Variants in PLCB4 observed in about 807,000 individuals in gnomAD.
The protein encoded by PLCB4 is 1-phosphatidylinositol 4,5-bisphosphate phosphodiesterase beta-4.
PLCB4 carries 77 observed loss-of-function variants against 178.8 expected under a neutral mutation model. The ratio of observed to expected loss-of-function variants is 0.43; its 90% confidence interval spans 0.36 to 0.52. PLCB4 has a LOEUF of 0.52. Among genes scored for constraint, PLCB4 ranks in the 20% least tolerant of loss-of-function variants. The pLI, the probability that PLCB4 is intolerant of heterozygous loss-of-function variation, is 0.00. For synonymous variants in PLCB4, 496 were observed against 490.8 expected (o/e 1.01, Z -0.14); for missense variants, 1,024 against 1,453.4 (o/e 0.70, Z 4.80).
chr20:9,200,359 A>G (rs1034062817), intron 2 of PLCB4, among the ~76,000 whole-genome samples: 3 of 152,122 alleles, frequency 2.0e-5, no homozygotes, highest in Non-Finnish European at 4.4e-5. Context: ...GCATTTCCCA[A>G]TGTTAACTGT....
Position 9,105,828 on chromosome 20 carries a change from T to C in PLCB4, c.-79+9486T>C, listed in dbSNP as rs6118495. On this transcript the variant is annotated intron_variant, in intron 2 of 39. Coordinates refer to ENST00000378473, the MANE Select transcript of PLCB4 (RefSeq NM_001377142.1). Reference sequence around the variant, plus strand: ...ATTCTAGGGATCAAAATTATACATATAACAAGATAAACTGTAAATTTATGA... The same window carrying C: ...ATTCTAGGGATCAAAATTATACATACAACAAGATAAACTGTAAATTTATGA... Among the ~76,000 whole-genome samples the C allele has an allele frequency of 7.5e-3, 1,141 of 152,148 alleles. 17 individuals carry two copies. The highest frequency in any genetic ancestry group is 0.026 in the African/African-American group (1,087 of 41,532).
chr20:9,073,589 A>G (rs1447059021), intron 1 of PLCB4, among the ~76,000 whole-genome samples: 4 of 152,138 alleles, frequency 2.6e-5, no homozygotes, highest in Non-Finnish European at 5.9e-5. Context: ...ATATATTTAA[A>G]CATATTATGC....
intron 1 of PLCB4, among the ~76,000 whole-genome samples, chr20:9,070,317 C>A (rs191613720): frequency 6.6e-6 from 1 of 151,978 alleles, no homozygotes; most frequent in Admixed American, 6.6e-5. Flanking sequence ...GTGTGTGTTG[C>A]GGGGGAAGGT....
chr20:9,428,247 T>C (rs1400655714), intron 28 of PLCB4, among the ~76,000 whole-genome samples: 1 of 152,216 alleles, frequency 6.6e-6, no homozygotes, highest in East Asian at 1.9e-4. Flanking sequence ...TGTCATATTT[T>C]ATTAAATATT....
At chr20:9,457,139 GAACCA>G (rs2043105166) in intron 33 of PLCB4, among the ~76,000 whole-genome samples, 1 of 152,050 alleles carries the variant, frequency 6.6e-6, no homozygotes, top group South Asian at 2.1e-4. Context: ...AGAAAAACAG[GAACCA>G]AAATGGAAAC....
chr20:9,378,997 T>A (rs1004762529), intron 12 of PLCB4, among the ~76,000 whole-genome samples: 2 of 152,200 alleles, frequency 1.3e-5, no homozygotes, highest in Admixed American at 6.5e-5. Flanking sequence ...GTGCATATAT[T>A]TGGGTAAAGA....
chr20:9,172,128 G>A (rs2093073891), intron 2 of PLCB4, among the ~76,000 whole-genome samples: 2 of 152,128 alleles, frequency 1.3e-5, no homozygotes, highest in Admixed American at 6.6e-5. Flanking sequence ...TCTGCAAAGA[G>A]CAAATTGTTT....
intron 2 of PLCB4, among the ~76,000 whole-genome samples, chr20:9,182,927 A>C (rs1421671566): frequency 6.6e-6 from 1 of 152,200 alleles, no homozygotes; most frequent in Admixed American, 6.5e-5. Context: ...TCATATTTAC[A>C]AGGAAGAATA....
chr20:9,451,944 C>T (rs1332214873), intron 32 of PLCB4, among the ~76,000 whole-genome samples: 3 of 152,190 alleles, frequency 2.0e-5, no homozygotes, highest in African/African-American at 7.2e-5. Flanking sequence ...GTTTATAGCA[C>T]AAAGGTGCAC....
intron 2 of PLCB4, among the ~76,000 whole-genome samples, chr20:9,114,916 T>G (rs1268090784): frequency 6.6e-6 from 1 of 152,126 alleles, no homozygotes; most frequent in East Asian, 1.9e-4. Context: ...CTGGAGTAGG[T>G]GATCTGTGAC....
chr20:9,135,091 G>T (rs1226464282), intron 2 of PLCB4, among the ~76,000 whole-genome samples: 1 of 151,874 alleles, frequency 6.6e-6, no homozygotes, highest in Non-Finnish European at 1.5e-5. Flanking sequence ...GGAATGTTAG[G>T]GTAGAAAGAA....
At chr20:9,452,685 A>G (rs1388677397) in intron 32 of PLCB4, among the ~76,000 whole-genome samples, 1 of 152,222 alleles carries the variant, frequency 6.6e-6, no homozygotes, top group Non-Finnish European at 1.5e-5. Context: ...TACGTGAAGC[A>G]GATGGGAAAA....
intron 12 of PLCB4, among the ~76,000 whole-genome samples, chr20:9,374,158 C>T (rs973443018): frequency 1.3e-5 from 2 of 152,094 alleles, no homozygotes; most frequent in African/African-American, 2.4e-5. Context: ...TTATAAAGGT[C>T]GCACTTTAGA....
intron 28 of PLCB4, among the ~76,000 whole-genome samples, chr20:9,435,289 T>A (rs2041690699): frequency 6.6e-6 from 1 of 152,244 alleles, no homozygotes; most frequent in Non-Finnish European, 1.5e-5. Context: ...ACTCAGTTTG[T>A]CCTGACACTT....
rs1175655833 is a variant in PLCB4, at chr20:9,405,332, A to G, written c.1631A>G (p.His544Arg). Reference sequence around the variant, plus strand: ...AATTAGGCTTCAGATGACCTTGAACATGAAAACAACAAAAAGGTAACAAAA... The same window carrying G: ...AATTAGGCTTCAGATGACCTTGAACGTGAAAACAACAAAAAGGTAACAAAA... Reference protein sequence around the residue: ...SVKKASDDLEHENNKKGLVTV... With the variant: ...SVKKASDDLERENNKKGLVTV... The change falls in exon 21 of 40, where the codon CAT becomes CGT. Residue 544 changes from histidine to arginine, a missense_variant. By Grantham distance (29) the His-to-Arg change is conservative. Around this residue, in one of 7 missense-constraint regions of PLCB4, gnomAD observed 263 missense variants for 417.4 expected, o/e 0.63. Transcript: ENST00000378473. 6.5e-7 allele frequency: 1 copy of G among 1,548,622 alleles called. No individual in the cohort carries two copies. The highest frequency in any genetic ancestry group is 1.9e-5 in the Admixed American group (1 of 52,996).
intron 12 of PLCB4, among the ~76,000 whole-genome samples, chr20:9,376,730 T>G (rs1351607698): frequency 6.6e-6 from 1 of 152,132 alleles, no homozygotes; most frequent in Non-Finnish European, 1.5e-5. Context: ...GTTTGACTTC[T>G]TACAAAGATG....
chr20:9,257,536 GC>G (rs1318425902), intron 3 of PLCB4, among the ~76,000 whole-genome samples: 1 of 152,170 alleles, frequency 6.6e-6, no homozygotes, highest in East Asian at 1.9e-4. Flanking sequence ...CAGTAAGAAA[GC>G]CAAATTTTAA....
Position 9,408,646 on chromosome 20 carries a change from T to C in PLCB4, c.1803T>C (p.His601=). 6.4e-7 allele frequency: 1 copy of C among 1,567,196 alleles called. No homozygotes were observed. Among genetic ancestry groups the C allele is most frequent in the Non-Finnish European group, 8.8e-7 (1 of 1,137,670 alleles). The change falls in exon 23 of 40, where the codon CAT becomes CAC. Residue 601 remains histidine, a synonymous_variant. Coordinates refer to ENST00000378473, the MANE Select transcript of PLCB4 (RefSeq NM_001377142.1). ...GFHVAEERNI[H]YNMSSFNESV... ...TTTCTTTTACAGAACGCAATATTCA[T>C]TATAACATGTCTTCTTTTAATGAAT...
chr20:9,126,830 A>C (rs866015767), intron 2 of PLCB4, among the ~76,000 whole-genome samples: 6 of 150,864 alleles, frequency 4.0e-5, no homozygotes. Flanking sequence ...ACTGCATCAC[A>C]AAGGAAGCAT....
Sources: allele counts gnomAD v4.1 joint callset (sites outside exome capture counted in the v4.1 genomes callset), GRCh38; gene constraint gnomAD v4.1.1; regional missense constraint gnomAD v4.1.1; transcripts MANE v1.5; gene names NCBI Gene and HGNC (gene_info 2026-07-23, HGNC 2026-07-21).